The following PATJ variants were observed in gnomAD, a reference collection of about 807,000 sequenced individuals.
The protein encoded by PATJ is PATJ crumbs cell polarity complex component.
PATJ carries 190 observed loss-of-function variants against 224.9 expected under a neutral mutation model. The ratio of observed to expected loss-of-function variants is 0.84; its 90% CI spans 0.75 to 0.95. The LOEUF is 0.95. PATJ is among the 40% of genes least tolerant of loss of function. PATJ has a pLI of 0.00. For missense variants in PATJ, 2,121 were observed against 2,270.3 expected (o/e 0.93, Z 1.34); for synonymous variants, 769 against 820.3 (o/e 0.94, Z 1.07).
Position 62,121,342 on chromosome 1 carries a change from T to TTAAAAA in PATJ, c.5005+47_5005+48insTAAAAA. Reference sequence around the variant, plus strand: ...AGCAAAACTATCCTGTTACCCAAATTAAAAAAAAAAAATGTGTTTTTTAAA... The same window carrying TTAAAAA: ...AGCAAAACTATCCTGTTACCCAAATTTAAAAAAAAAAAAAAAAATGTGTTTTTTAAA... On this transcript the variant is annotated intron_variant, in intron 38 of 43. Transcript: ENST00000642238. The TTAAAAA allele has an allele frequency of 7.1e-6, 6 of 845,668 alleles. No homozygotes were observed. The African/African-American group carries it at 7.1e-5, about 10-fold the overall frequency. 52.4% of individuals were successfully genotyped at this position (845,668 alleles called of 1,614,324 possible).
rs778718520 is a variant in PATJ at position 61,769,346 on chromosome 1, G to T, written c.448G>T (p.Val150Leu). Reference sequence around the variant, plus strand: ...AACTGGAGGCCTTGGATTCAGTGTGGTGGCCCTCAGAAGTCAAAATCTCGG... The same window carrying T: ...AACTGGAGGCCTTGGATTCAGTGTGTTGGCCCTCAGAAGTCAAAATCTCGG... The part of the protein sequence containing the change: ...PSTGGLGFSV[V>L]ALRSQNLGKV... The change falls in exon 5 of 44, where the codon GTG becomes TTG. Residue 150 changes from valine (V) to leucine (L), a missense_variant. Physicochemically the swap from Val to Leu is conservative, Grantham distance 32. Coordinates refer to ENST00000642238, the MANE Select transcript of PATJ (RefSeq NM_001350145.3). The T allele has an allele frequency of 1.2e-6, 2 of 1,613,938 alleles. No individual in the cohort carries two copies. The highest frequency in any genetic ancestry group is 1.7e-6 in the Non-Finnish European group (2 of 1,179,982).
At chr1:61,877,426 C>T (rs1156815387) in intron 21 of PATJ, among the ~76,000 whole-genome samples, 2 of 151,800 alleles carry the variant, frequency 1.3e-5, no homozygotes, top group East Asian at 1.9e-4. Flanking sequence ...TATGGTTTGG[C>T]TCTGTGTCCC....
At chr1:61,846,514 G>A (rs937710724) in intron 17 of PATJ, among the ~76,000 whole-genome samples, 2 of 152,110 alleles carry the variant, frequency 1.3e-5, no homozygotes, top group East Asian at 3.9e-4. Flanking sequence ...AAATTGTAAG[G>A]TACACTTAAC....
chr1:61,887,986 C>A (rs1669116933), intron 22 of PATJ, among the ~76,000 whole-genome samples: 2 of 152,138 alleles, frequency 1.3e-5, no homozygotes, highest in Non-Finnish European at 2.9e-5. Context: ...AAATTTTACC[C>A]AGAGTTTTAG....
chr1:62,031,171 C>T (rs4915793), intron 29 of PATJ, among the ~76,000 whole-genome samples: 20,323 of 152,160 alleles, frequency 0.13, 1,573 homozygotes, highest in Middle Eastern at 0.26. Flanking sequence ...TGGTCATTCA[C>T]GTACCCAGGC....
intron 41 of PATJ, among the ~76,000 whole-genome samples, chr1:62,130,457 G>A (rs1278698791): frequency 1.3e-5 from 2 of 152,052 alleles, no homozygotes; most frequent in Non-Finnish European, 2.9e-5. Context: ...TTGAGCCCAG[G>A]AGTTTTGAGA....
intron 34 of PATJ, among the ~76,000 whole-genome samples, chr1:62,109,207 C>A (rs1045025498): frequency 6.8e-6 from 1 of 147,484 alleles, no homozygotes; most frequent in African/African-American, 2.5e-5. Context: ...ACCTTTAGGC[C>A]ACGTTTTTTT....
At chr1:61,944,686 G>C (rs556725190) in intron 27 of PATJ, among the ~76,000 whole-genome samples, 68 of 152,292 alleles carry the variant, frequency 4.5e-4, no homozygotes, top group African/African-American at 1.6e-3. Context: ...CCCTAACCTA[G>C]GGAGGCAGGC....
At chr1:61,809,677 G>A (rs931155598) in intron 14 of PATJ, among the ~76,000 whole-genome samples, 2 of 150,740 alleles carry the variant, frequency 1.3e-5, no homozygotes, top group African/African-American at 4.9e-5. Context: ...ATGAGCCACA[G>A]CGCCAGGCTA....
chr1:62,058,906 A>G (rs1484397993), intron 31 of PATJ, among the ~76,000 whole-genome samples: 2 of 152,352 alleles, frequency 1.3e-5, no homozygotes, highest in African/African-American at 2.4e-5. Context: ...CATTTAGTCT[A>G]TGCAACATTC....
chr1:61,931,576 C>T (rs866022740), intron 27 of PATJ, among the ~76,000 whole-genome samples: 1 of 152,238 alleles, frequency 6.6e-6, no homozygotes, highest in Non-Finnish European at 1.5e-5. Flanking sequence ...CCAGCCTGGG[C>T]AACATGGCAA....
chr1:61,827,272 CATAA>C (rs1658436852), intron 15 of PATJ, 146 bp from the exon 16 acceptor site: 2 of 581,906 alleles, frequency 3.4e-6, no homozygotes, highest in Admixed American at 6.7e-5. Flanking sequence ...ATTATTTAAT[CATAA>C]ATAATATGAT....
intron 24 of PATJ, among the ~76,000 whole-genome samples, chr1:61,901,755 A>G (rs926875059): frequency 6.6e-6 from 1 of 152,212 alleles, no homozygotes; most frequent in African/African-American, 2.4e-5. Flanking sequence ...CTTCTCCCAC[A>G]TTCTTTAACA....
chr1:61,759,142 C>A (rs748649435), intron 1 of PATJ, among the ~76,000 whole-genome samples: 1 of 152,204 alleles, frequency 6.6e-6, no homozygotes, highest in African/African-American at 2.4e-5. Context: ...CAACCCAGGA[C>A]GGCTTTGAAT....
intron 27 of PATJ, among the ~76,000 whole-genome samples, chr1:61,964,362 G>A (rs889684911): frequency 2.6e-4 from 39 of 152,076 alleles, no homozygotes; most frequent in Middle Eastern, 3.2e-3. Flanking sequence ...GATTAGAGGC[G>A]TGAACCACTG....
Position 61,981,098 on chromosome 1 carries a change from G to A in PATJ, c.3671-9070G>A, listed in dbSNP as rs1021026003. On this transcript the variant is annotated intron_variant, in intron 27 of 43. Coordinates refer to ENST00000642238, the MANE Select transcript of PATJ (RefSeq NM_001350145.3). ...CAAAATAGACCTTTTATTTAATCCC[G>A]AAGCCTGACTGTGGAGACAGAGATA... is the stretch of plus-strand genomic sequence containing the variant. Among the ~76,000 whole-genome samples the A allele has an allele frequency of 5.9e-5, 9 of 151,934 alleles. 1 individual carries two copies. Among genetic ancestry groups the A allele is most frequent in the Admixed American group, 5.9e-4 (9 of 15,276 alleles).
intron 15 of PATJ, among the ~76,000 whole-genome samples, chr1:61,824,487 G>A (rs1369119458): frequency 6.0e-5 from 9 of 149,492 alleles, no homozygotes. Flanking sequence ...GTGCAGTGGT[G>A]TGGTCATAGC....
At chr1:61,976,429 G>A (rs530245930) in intron 27 of PATJ, among the ~76,000 whole-genome samples, 98 of 152,050 alleles carry the variant, frequency 6.4e-4, no homozygotes, top group African/African-American at 2.3e-3. Flanking sequence ...TTATTGAGAT[G>A]GAGTCTTGCT....
chr1:62,074,455 T>G (rs1256320655), intron 31 of PATJ, among the ~76,000 whole-genome samples: 1 of 151,636 alleles, frequency 6.6e-6, no homozygotes, highest in South Asian at 2.1e-4. Context: ...TTTTTAAGAG[T>G]CAGGGTCTTA....
Sources: allele counts gnomAD v4.1 joint callset (sites outside exome capture counted in the v4.1 genomes callset), GRCh38; gene constraint gnomAD v4.1.1; transcripts MANE v1.5; gene names NCBI Gene and HGNC (gene_info 2026-07-23, HGNC 2026-07-21).